The following SLC71A2 variants were observed in gnomAD, a reference collection of about 807,000 sequenced individuals.
SLC71A2 encodes hippocampus abundant transcript-like 1.
At chr9:94,375,534 A>G in the SLC71A2 span, among the ~76,000 whole-genome samples, 1 of 152,110 alleles carries the variant, frequency 6.6e-6, no homozygotes, top group Non-Finnish European at 1.5e-5. Flanking sequence ...TTTCGGCAGA[A>G]CAGGCCTTGT....
chr9:94,375,169 T>C, the SLC71A2 span, among the ~76,000 whole-genome samples: 1 of 152,012 alleles, frequency 6.6e-6, no homozygotes, highest in South Asian at 2.1e-4. Flanking sequence ...ACAGTGAATA[T>C]AAGTAGTAAT....
chr9:94,454,050 C>T, the SLC71A2 span: 34 of 1,612,868 alleles, frequency 2.1e-5, no homozygotes, highest in Admixed American at 6.7e-5. Context: ...TAGCCTGGTA[C>T]GGTTTTGGAT....
chr9:94,455,156 CTTTTTTT>C, the SLC71A2 span, among the ~76,000 whole-genome samples: 6 of 27,686 alleles, frequency 2.2e-4, no homozygotes, highest in Non-Finnish European at 3.4e-4. Flanking sequence ...TTGCTCTTTC[CTTTTTTT>C]TTTTTTTTTT....
chr9:94,428,203 A>G, the SLC71A2 span, among the ~76,000 whole-genome samples: 1 of 150,734 alleles, frequency 6.6e-6, no homozygotes, highest in Non-Finnish European at 1.5e-5. Context: ...TGTTTTTGTG[A>G]TGCATGTGAC....
the SLC71A2 span, among the ~76,000 whole-genome samples, chr9:94,424,726 G>GC: frequency 1.4e-4 from 12 of 84,906 alleles, no homozygotes; most frequent in Non-Finnish European, 2.1e-5. Flanking sequence ...ATTGTTTTCT[G>GC]CTTTTTTTTT....
the SLC71A2 span, among the ~76,000 whole-genome samples, chr9:94,406,668 C>T: frequency 1.6e-4 from 25 of 152,234 alleles, no homozygotes; most frequent in Non-Finnish European, 3.5e-4. Context: ...CCACTGGACT[C>T]AGCCCAATTT....
At chr9:94,414,110 G>T in the SLC71A2 span, among the ~76,000 whole-genome samples, 1 of 152,172 alleles carries the variant, frequency 6.6e-6, no homozygotes, top group Non-Finnish European at 1.5e-5. Context: ...GGAATTGGCA[G>T]CAAAGTCATA....
the SLC71A2 span, chr9:94,445,316 T>G: frequency 1.5e-6 from 1 of 688,360 alleles, no homozygotes; most frequent in Non-Finnish European, 2.4e-6. Flanking sequence ...AAAAATTAAT[T>G]GCAAGTAAGG....
the SLC71A2 span, among the ~76,000 whole-genome samples, chr9:94,405,277 C>T: frequency 6.6e-5 from 10 of 152,098 alleles, no homozygotes; most frequent in South Asian, 6.2e-4. Flanking sequence ...GGGCAGATCA[C>T]GAGGTCAGGA....
the SLC71A2 span, chr9:94,451,512 G>C: frequency 2.6e-6 from 4 of 1,563,012 alleles, no homozygotes; most frequent in Non-Finnish European, 3.5e-6. Context: ...TAGGAATTCT[G>C]TCTATTGTGG....
the SLC71A2 span, among the ~76,000 whole-genome samples, chr9:94,383,197 C>G: frequency 1.6e-5 from 2 of 124,630 alleles, no homozygotes. Flanking sequence ...GCGTCTTGTC[C>G]CATCGCCCAT....
the SLC71A2 span, among the ~76,000 whole-genome samples, chr9:94,436,470 G>C: frequency 6.6e-6 from 1 of 152,206 alleles, no homozygotes; most frequent in Non-Finnish European, 1.5e-5. Context: ...CCTTCCCTGT[G>C]TCCATCTAGC....
At chr9:94,385,032 C>T in the SLC71A2 span, among the ~76,000 whole-genome samples, 1 of 151,834 alleles carries the variant, frequency 6.6e-6, no homozygotes, top group Non-Finnish European at 1.5e-5. Flanking sequence ...TTCCCTCTCT[C>T]TTGAACTTCT....
the SLC71A2 span, among the ~76,000 whole-genome samples, chr9:94,432,136 A>T: frequency 8.6e-5 from 13 of 151,558 alleles, no homozygotes; most frequent in East Asian, 2.6e-3. Flanking sequence ...AATATTAAAT[A>T]TAGCCTTTCC....
At chr9:94,408,986 C>G in the SLC71A2 span, among the ~76,000 whole-genome samples, 1 of 151,572 alleles carries the variant, frequency 6.6e-6, no homozygotes. Flanking sequence ...GCCACCACGC[C>G]TGGCTAATTT....
At chr9:94,454,087 G>C in the SLC71A2 span, 119 of 1,561,726 alleles carry the variant, frequency 7.6e-5, 3 homozygotes, top group South Asian at 1.2e-3. Flanking sequence ...CTCACTCTTA[G>C]ATTCTCGTGA....
At chr9:94,451,551 TA>T in the SLC71A2 span, 1 of 1,183,280 alleles carries the variant, frequency 8.5e-7, no homozygotes, top group South Asian at 1.5e-5. Context: ...TATCTATACT[TA>T]AAAAATTTAA....
the SLC71A2 span, among the ~76,000 whole-genome samples, chr9:94,377,533 C>CTTT: frequency 4.1e-4 from 44 of 107,720 alleles, no homozygotes; most frequent in Non-Finnish European, 4.9e-4. Context: ...CCATGCCTGG[C>CTTT]TTTTTTTTTT....
chr9:94,421,800 G>T, the SLC71A2 span, among the ~76,000 whole-genome samples: 1 of 152,110 alleles, frequency 6.6e-6, no homozygotes, highest in South Asian at 2.1e-4. Context: ...TTTGGTAGCT[G>T]GTCATTCATT....
Sources: gnomAD v4.1 joint callset for allele counts (sites outside exome capture counted in the v4.1 genomes callset) on GRCh38, gnomAD v4.1.1 for gene constraint, MANE v1.5 for transcripts, NCBI Gene and HGNC (gene_info 2026-07-23, HGNC 2026-07-21) for gene names.